Variants in EBF1 observed in about 807,000 individuals in gnomAD.
EBF1 encodes EBF transcription factor 1, also known as transcription factor COE1.
Under a neutral mutation model 68.4 loss-of-function variants are expected in EBF1, and 10 were observed. That is an observed-to-expected ratio of 0.15 (90% CI 0.09 to 0.25). The LOEUF (loss-of-function observed/expected upper bound fraction) is 0.25, where lower values mean the gene tolerates loss of function less well. Ranked by LOEUF, EBF1 falls within the 10% of genes least tolerant of loss-of-function variation. The pLI is 1.00. For missense variants in EBF1, 509 were observed against 794.4 expected, an observed-to-expected ratio of 0.64 and a Z score of 4.32; for synonymous variants, 298 against 299.8, an observed-to-expected ratio of 0.99 and a Z score of 0.06.
chr5:159,082,308 A>G (rs546610693), intron 5 of EBF1, among the ~76,000 whole-genome samples: 1 of 152,320 alleles, frequency 6.6e-6, no homozygotes, highest in East Asian at 1.9e-4. Flanking sequence ...GCACTGCAGA[A>G]AGTTGTTTAG....
intron 9 of EBF1, among the ~76,000 whole-genome samples, chr5:158,789,473 G>A (rs1028641317): frequency 2.0e-5 from 3 of 152,110 alleles, no homozygotes; most frequent in Non-Finnish European, 4.4e-5. Flanking sequence ...GGGCAATTAT[G>A]TATAAAATTT....
intron 6 of EBF1, among the ~76,000 whole-genome samples, chr5:158,924,980 A>C (rs1006524163): frequency 1.3e-4 from 19 of 150,470 alleles, no homozygotes; most frequent in African/African-American, 4.7e-4. Flanking sequence ...GCATGGCCCC[A>C]CTCCTGCCTA....
At position 158,714,182 on chromosome 5, in the gene EBF1, CCT is replaced by C; in HGVS notation, c.1126-2_1126-1del. ...TCCGCAGCCCTTTTGAGTATTACTT[CCT>C]GTCAAGAGAAAAGCAGATACAATCC... On this transcript the variant is annotated splice_acceptor_variant, in intron 11 of 15. Coordinates refer to ENST00000313708, the MANE Select transcript of EBF1 (RefSeq NM_024007.5). LOFTEE classifies it high-confidence loss of function. The C allele has an allele frequency of 6.2e-7, 1 of 1,614,228 alleles. No homozygotes were observed. Among genetic ancestry groups the C allele is most frequent in the African/African-American group, 1.3e-5 (1 of 75,070 alleles).
At chr5:158,751,580 G>A (rs1768911778) in intron 10 of EBF1, among the ~76,000 whole-genome samples, 2 of 152,026 alleles carry the variant, frequency 1.3e-5, no homozygotes, top group South Asian at 4.1e-4. Flanking sequence ...GGAGTCAGAC[G>A]GTCTGGCCAG....
Position 158,784,766 on chromosome 5 carries a change from G to A in EBF1, c.910-7227C>T, listed in dbSNP as rs181922453. Among the ~76,000 whole-genome samples, 133 of 152,262 alleles carry A rather than the reference G, an allele frequency of 8.7e-4. No individual in the cohort carries two copies. In the Middle Eastern group the frequency reaches 0.01, roughly 12 times the overall value. On this transcript the variant is annotated intron_variant, in intron 9 of 15. Coordinates refer to ENST00000313708, the MANE Select transcript of EBF1 (RefSeq NM_024007.5). Reference sequence around the variant, plus strand: ...AAAAGGAAGGAAATGTTTCTTCTCTGGAAAAATAATGAGCATTTGTGGCTA... The same window carrying A: ...AAAAGGAAGGAAATGTTTCTTCTCTAGAAAAATAATGAGCATTTGTGGCTA...
chr5:158,984,929 C>T (rs930537969), intron 6 of EBF1: 6 of 151,876 alleles, frequency 4.0e-5, no homozygotes, highest in Admixed American at 2.0e-4. Flanking sequence ...GTGATCCACC[C>T]ACCTCGGCCT....
intron 6 of EBF1, among the ~76,000 whole-genome samples, chr5:159,048,505 C>T (rs1273118982): frequency 6.6e-6 from 1 of 152,212 alleles, no homozygotes; most frequent in Non-Finnish European, 1.5e-5. Flanking sequence ...AGATAATGCT[C>T]TAGCCTCTTG....
intron 6 of EBF1, among the ~76,000 whole-genome samples, chr5:159,048,707 A>G (rs1772943875): frequency 6.6e-6 from 1 of 152,124 alleles, no homozygotes; most frequent in Non-Finnish European, 1.5e-5. Flanking sequence ...AACTACCTGC[A>G]TCCAAATCCC....
At chr5:158,793,645 T>C (rs1019881196) in intron 9 of EBF1, among the ~76,000 whole-genome samples, 1 of 152,314 alleles carries the variant, frequency 6.6e-6, no homozygotes. Context: ...GCAAGCTTTT[T>C]AACCTCTCTG....
At chr5:158,808,969 G>C (rs1010395171) in intron 8 of EBF1, among the ~76,000 whole-genome samples, 13 of 152,146 alleles carry the variant, frequency 8.5e-5, no homozygotes, top group Middle Eastern at 3.4e-3. Flanking sequence ...TAACCCTTTA[G>C]TGAACTCTTC....
chr5:159,059,530 A>G (rs182246104), intron 6 of EBF1, among the ~76,000 whole-genome samples: 93 of 152,374 alleles, frequency 6.1e-4, no homozygotes, highest in Middle Eastern at 3.4e-3. Context: ...TCTGCTGTAT[A>G]TAAGAAATTA....
intron 6 of EBF1, among the ~76,000 whole-genome samples, chr5:158,945,658 G>C (rs1241771599): frequency 6.6e-6 from 1 of 152,178 alleles, no homozygotes; most frequent in African/African-American, 2.4e-5. Context: ...TCTTGGGGCT[G>C]CTCTTCTCAA....
chr5:159,008,316 A>G (rs1763962075), intron 6 of EBF1, among the ~76,000 whole-genome samples: 1 of 152,226 alleles, frequency 6.6e-6, no homozygotes. Context: ...ATAACCATGA[A>G]AAACTGGAAA....
In EBF1 at chr5:158,710,941, C is replaced by T. The variant is rs185653540; in HGVS notation, c.1549+1213G>A. 5.9e-5 allele frequency among the ~76,000 whole-genome samples: 9 copies of T among 152,162 alleles called. No homozygotes were observed. In the South Asian group the frequency reaches 1.9e-3, roughly 32 times the overall value. On this transcript the variant is annotated intron_variant, in intron 14 of 15. Transcript: ENST00000313708. ...TCCAAGATGAACTTCAAAGTCAGAG[C>T]GAGATCAAGAGATTGTGAGAACACG... is the stretch of plus-strand genomic sequence containing the variant.
At chr5:159,008,672 T>C (rs1764042837) in intron 6 of EBF1, among the ~76,000 whole-genome samples, 1 of 151,966 alleles carries the variant, frequency 6.6e-6, no homozygotes, top group South Asian at 2.1e-4. Context: ...ATTCTAGGTA[T>C]GCACCACCAC....
intron 6 of EBF1, among the ~76,000 whole-genome samples, chr5:159,006,693 G>T (rs552419116): frequency 7.8e-6 from 1 of 128,182 alleles, no homozygotes; most frequent in Non-Finnish European, 1.6e-5. Context: ...GAATCTCTTG[G>T]GTTCTCACTA....
At chr5:159,098,423 A>G (rs1461282752) in intron 1 of EBF1, among the ~76,000 whole-genome samples, 2 of 152,134 alleles carry the variant, frequency 1.3e-5, no homozygotes, top group Non-Finnish European at 2.9e-5. Flanking sequence ...GGGAGTTGCT[A>G]TTCTACCGGT....
At chr5:158,892,035 G>A (rs1801277481) in intron 6 of EBF1, among the ~76,000 whole-genome samples, 1 of 152,030 alleles carries the variant, frequency 6.6e-6, no homozygotes, top group Non-Finnish European at 1.5e-5. Flanking sequence ...ACATACCAGG[G>A]AATACTATCT....
intron 6 of EBF1, among the ~76,000 whole-genome samples, chr5:159,002,720 C>T (rs1318954707): frequency 6.6e-6 from 1 of 152,054 alleles, no homozygotes; most frequent in Non-Finnish European, 1.5e-5. Context: ...CATATAGGCA[C>T]CTAAAATTGT....
Sources: gnomAD v4.1 joint callset for allele counts (sites outside exome capture counted in the v4.1 genomes callset) on GRCh38, gnomAD v4.1.1 for gene constraint, MANE v1.5 for transcripts, NCBI Gene and HGNC (gene_info 2026-07-23, HGNC 2026-07-21) for gene names.